Variants in OTOGL observed in about 807,000 individuals in gnomAD.
The protein encoded by OTOGL is otogelin like.
Under a neutral mutation model 318.5 loss-of-function variants are expected in OTOGL, and 285 were observed. The ratio of observed to expected loss-of-function variants is 0.89; its 90% CI spans 0.81 to 0.99. The LOEUF (loss-of-function observed/expected upper bound fraction) is 0.99, where lower values mean the gene tolerates loss of function less well. Ranked by LOEUF, OTOGL falls within the 50% of genes least tolerant of loss-of-function variation. The pLI, the probability that OTOGL is intolerant of heterozygous loss-of-function variation, is 0.00. For synonymous variants in OTOGL, 987 were observed against 936.5 expected (o/e 1.05, Z -0.99); for missense variants, 2,899 against 2,845.6 (o/e 1.02, Z -0.43).
intron 52 of OTOGL, among the ~76,000 whole-genome samples, chr12:80,359,438 A>G (rs534081069): frequency 6.6e-6 from 1 of 152,184 alleles, no homozygotes; most frequent in Non-Finnish European, 1.5e-5. Context: ...TTCTTTAACT[A>G]TCTTCATGAT....
chr12:80,220,482 T>TCC (rs1878205810), intron 6 of OTOGL, among the ~76,000 whole-genome samples: 2 of 152,076 alleles, frequency 1.3e-5, no homozygotes, highest in Non-Finnish European at 2.9e-5. Flanking sequence ...TAAAACCAGG[T>TCC]TCTCATTCAT....
chr12:80,168,688 T>C (rs978006200), intron 1 of OTOGL, among the ~76,000 whole-genome samples: 6 of 152,222 alleles, frequency 3.9e-5, no homozygotes, highest in East Asian at 1.9e-4. Flanking sequence ...TATTGTTTAA[T>C]AGATTTTTCT....
chr12:80,107,113 T>TGACTGGCCTA (rs1303770197), intron 1 of OTOGL, among the ~76,000 whole-genome samples: 1 of 152,168 alleles, frequency 6.6e-6, no homozygotes, highest in East Asian at 1.9e-4. Flanking sequence ...AGTTGTAAAC[T>TGACTGGCCTA]GACTGGCCTA....
intron 1 of OTOGL, among the ~76,000 whole-genome samples, chr12:80,124,981 C>T (rs1173807191): frequency 1.3e-5 from 2 of 152,316 alleles, no homozygotes; most frequent in South Asian, 2.1e-4. Flanking sequence ...ATGTCATCTG[C>T]AAACAGGGAC....
At chr12:80,153,089 C>T (rs1223703371) in intron 1 of OTOGL, among the ~76,000 whole-genome samples, 3 of 152,162 alleles carry the variant, frequency 2.0e-5, no homozygotes, top group Non-Finnish European at 2.9e-5. Flanking sequence ...AGAGATTTCC[C>T]ATATATTCCC....
At chr12:80,167,939 T>TTCTCCTCTCCTCTCCTTGCCTCTCC (rs1873932402) in intron 1 of OTOGL, among the ~76,000 whole-genome samples, 6 of 151,882 alleles carry the variant, frequency 4.0e-5, no homozygotes, top group Admixed American at 3.9e-4. Context: ...CTTTTTTCTT[T>TTCTCCTCTCCTCTCCTTGCCTCTCC]TCTCCTCTCC....
intron 26 of OTOGL, among the ~76,000 whole-genome samples, chr12:80,283,834 C>G (rs1485571226): frequency 6.6e-6 from 1 of 151,926 alleles, no homozygotes; most frequent in Non-Finnish European, 1.5e-5. Context: ...TTTCATAGGA[C>G]TGTAGTAGGG....
chr12:80,223,497 A>T (rs1878552081), intron 7 of OTOGL, among the ~76,000 whole-genome samples: 1 of 152,002 alleles, frequency 6.6e-6, no homozygotes, highest in Non-Finnish European at 1.5e-5. Context: ...TTCTTTCAGG[A>T]ATCTCTATAC....
At chr12:80,310,542 G>A in intron 29 of OTOGL, 69 bp from the exon 30 acceptor site, 1 of 1,030,704 alleles carries the variant, frequency 9.7e-7, no homozygotes, top group African/African-American at 1.6e-5. Flanking sequence ...GAGTGAAGTT[G>A]GGTAGGTTAC....
intron 27 of OTOGL, 86 bp downstream of exon 27, chr12:80,297,047 C>T: frequency 8.2e-7 from 1 of 1,225,086 alleles, no homozygotes; most frequent in South Asian, 2.1e-5. Flanking sequence ...CTACTCCTCT[C>T]TGTAAATGGT....
intron 26 of OTOGL, among the ~76,000 whole-genome samples, chr12:80,292,463 C>G (rs1218658910): frequency 6.6e-6 from 1 of 152,164 alleles, no homozygotes; most frequent in African/African-American, 2.4e-5. Flanking sequence ...AGTGAGAATC[C>G]CAGAAGTTTT....
chr12:80,326,723 T>C (rs1282468953), intron 35 of OTOGL, among the ~76,000 whole-genome samples: 5 of 152,218 alleles, frequency 3.3e-5, no homozygotes, highest in Non-Finnish European at 7.3e-5. Context: ...AAATAATTAG[T>C]TATATAAGCT....
chr12:80,238,703 T>C, intron 9 of OTOGL, 148 bp from the exon 10 acceptor site: 1 of 1,041,204 alleles, frequency 9.6e-7, no homozygotes, highest in Non-Finnish European at 1.2e-6. Flanking sequence ...AAAGTAATGT[T>C]ATTATCTAAT....
intron 1 of OTOGL, among the ~76,000 whole-genome samples, chr12:80,167,343 AT>A (rs1446093058): frequency 6.6e-6 from 1 of 152,146 alleles, no homozygotes; most frequent in African/African-American, 2.4e-5. Flanking sequence ...TTTGGTTTTG[AT>A]TTTTTAAAAG....
At chr12:80,126,801 T>G (rs1372738608) in intron 1 of OTOGL, among the ~76,000 whole-genome samples, 1 of 152,218 alleles carries the variant, frequency 6.6e-6, no homozygotes, top group East Asian at 1.9e-4. Context: ...GTAATGGCCT[T>G]CTTTGTCTCT....
chr12:80,286,755 A>G (rs1205645030), intron 26 of OTOGL, among the ~76,000 whole-genome samples: 1 of 151,626 alleles, frequency 6.6e-6, no homozygotes, highest in Non-Finnish European at 1.5e-5. Context: ...TCTCTATGCA[A>G]ATAAACTAGA....
chr12:80,128,762 G>A (rs186019822), intron 1 of OTOGL, among the ~76,000 whole-genome samples: 14 of 152,240 alleles, frequency 9.2e-5, no homozygotes, highest in East Asian at 1.9e-4. Flanking sequence ...CCCCAGCCTC[G>A]CTGCCGCCTT....
chr12:80,279,596 C>A (rs893940606), intron 26 of OTOGL, among the ~76,000 whole-genome samples: 1 of 148,182 alleles, frequency 6.7e-6, no homozygotes, highest in Non-Finnish European at 1.5e-5. Flanking sequence ...TGGTCTCCAG[C>A]TGCATCCATG....
In OTOGL at chr12:80,178,666, A is replaced by G. The variant is rs147525904; in HGVS notation, c.-19-30747A>G. ...CACAGTTTGTCCTCTCTCAGTTATC[A>G]CTGTCCTGTGTTGCCTGATGTACAG... On this transcript the variant is annotated intron_variant, in intron 1 of 58. Coordinates refer to ENST00000547103, the MANE Select transcript of OTOGL (RefSeq NM_001378609.3). Among the ~76,000 whole-genome samples, 274 of 152,218 alleles carry G rather than the reference A, an allele frequency of 1.8e-3. 2 individuals carry two copies. Among genetic ancestry groups the G allele is most frequent in the African/African-American group, 6.5e-3 (268 of 41,536 alleles).
Sources: gnomAD v4.1 joint callset for allele counts (sites outside exome capture counted in the v4.1 genomes callset) on GRCh38, gnomAD v4.1.1 for gene constraint, MANE v1.5 for transcripts, NCBI Gene and HGNC (gene_info 2026-07-23, HGNC 2026-07-21) for gene names.